AFG2A: variants seen among roughly 807,000 people sequenced by gnomAD.
AFG2A encodes the protein AAA ATPase AFG2A.
the AFG2A span, among the ~76,000 whole-genome samples, chr4:123,311,269 C>T: frequency 6.6e-6 from 1 of 152,120 alleles, no homozygotes; most frequent in African/African-American, 2.4e-5. Context: ...TAACTGATCA[C>T]TAAAGCCGCT....
At chr4:123,307,077 C>T in the AFG2A span, among the ~76,000 whole-genome samples, 1 of 152,216 alleles carries the variant, frequency 6.6e-6, no homozygotes, top group East Asian at 1.9e-4. Context: ...CTTGTCTATT[C>T]ACCTATACAT....
the AFG2A span, among the ~76,000 whole-genome samples, chr4:123,312,779 A>G: frequency 6.6e-6 from 1 of 152,204 alleles, no homozygotes; most frequent in Non-Finnish European, 1.5e-5. Context: ...ACATTGTCGT[A>G]ATTTGACAAA....
At chr4:123,274,205 G>T in the AFG2A span, among the ~76,000 whole-genome samples, 1 of 151,918 alleles carries the variant, frequency 6.6e-6, no homozygotes, top group African/African-American at 2.4e-5. Context: ...ATACATAATG[G>T]CTTTGTAGTT....
the AFG2A span, among the ~76,000 whole-genome samples, chr4:122,975,510 T>G: frequency 0.054 from 8,173 of 152,182 alleles, 520 homozygotes; most frequent in African/African-American, 0.16. Context: ...TGTGAGTGGC[T>G]GCAGAAGAGT....
At chr4:123,108,379 G>A in the AFG2A span, among the ~76,000 whole-genome samples, 3 of 151,610 alleles carry the variant, frequency 2.0e-5, no homozygotes, top group African/African-American at 4.8e-5. Flanking sequence ...TTATGAAAAT[G>A]TACTTAAAAA....
chr4:123,009,624 T>G, the AFG2A span, among the ~76,000 whole-genome samples: 31 of 152,314 alleles, frequency 2.0e-4, no homozygotes, highest in African/African-American at 7.5e-4. Flanking sequence ...CTCTGGGCTG[T>G]GACAATTTCT....
chr4:123,312,788 A>G, the AFG2A span, among the ~76,000 whole-genome samples: 2 of 152,228 alleles, frequency 1.3e-5, no homozygotes, highest in Non-Finnish European at 2.9e-5. Context: ...TAATTTGACA[A>G]AGCCATCTAA....
chr4:122,947,395 C>T, the AFG2A span: 19 of 1,614,056 alleles, frequency 1.2e-5, no homozygotes, highest in African/African-American at 1.3e-4. Flanking sequence ...TCGAAGGGTA[C>T]CCCATTTGCT....
the AFG2A span, among the ~76,000 whole-genome samples, chr4:123,009,784 T>G: frequency 6.6e-6 from 1 of 152,184 alleles, no homozygotes; most frequent in Non-Finnish European, 1.5e-5. Context: ...AGTTCCAATT[T>G]TCATCACAGT....
chr4:123,172,992 A>G, the AFG2A span, among the ~76,000 whole-genome samples: 1 of 152,192 alleles, frequency 6.6e-6, no homozygotes, highest in Non-Finnish European at 1.5e-5. Flanking sequence ...GAAAGTAAAT[A>G]TGTAAAAATG....
chr4:122,979,545 G>A, the AFG2A span, among the ~76,000 whole-genome samples: 6 of 152,176 alleles, frequency 3.9e-5, no homozygotes, highest in Non-Finnish European at 8.8e-5. Context: ...GCAGTTATAC[G>A]AAGTAATGTA....
the AFG2A span, among the ~76,000 whole-genome samples, chr4:123,013,074 G>A: frequency 6.6e-6 from 1 of 152,088 alleles, no homozygotes; most frequent in Non-Finnish European, 1.5e-5. Context: ...ATAGGGGTGG[G>A]GCCGTTTTAT....
the AFG2A span, among the ~76,000 whole-genome samples, chr4:122,972,397 C>T: frequency 1.3e-5 from 2 of 151,978 alleles, no homozygotes; most frequent in African/African-American, 2.4e-5. Flanking sequence ...CTCTCATTTT[C>T]AGACAACCAA....
chr4:123,134,268 A>T, the AFG2A span, among the ~76,000 whole-genome samples: 2 of 151,996 alleles, frequency 1.3e-5, no homozygotes, highest in Admixed American at 1.3e-4. Context: ...ATTTATTTTG[A>T]CTTGATTCAT....
At chr4:123,277,686 G>A in the AFG2A span, among the ~76,000 whole-genome samples, 19 of 152,086 alleles carry the variant, frequency 1.2e-4, no homozygotes, top group Admixed American at 2.0e-4. Context: ...TTTAAATGAA[G>A]CATTGTTGAA....
At chr4:123,246,066 G>T in the AFG2A span, among the ~76,000 whole-genome samples, 1 of 152,190 alleles carries the variant, frequency 6.6e-6, no homozygotes, top group Non-Finnish European at 1.5e-5. Flanking sequence ...GAAAAGTCAA[G>T]TCATGGAACA....
chr4:123,118,325 A>ATATAATTATATATAATATATATAT, the AFG2A span, among the ~76,000 whole-genome samples: 7 of 94,684 alleles, frequency 7.4e-5, no homozygotes, highest in African/African-American at 2.1e-4. Flanking sequence ...TATATATTAT[A>ATATAATTATATATAATATATATAT]TATAATATAT....
chr4:122,946,979 T>G, the AFG2A span, among the ~76,000 whole-genome samples: 1 of 151,930 alleles, frequency 6.6e-6, no homozygotes, highest in African/African-American at 2.4e-5. Flanking sequence ...GATGGAGAGG[T>G]GAGTATTGTA....
At chr4:123,198,990 C>G in the AFG2A span, among the ~76,000 whole-genome samples, 918 of 152,230 alleles carry the variant, frequency 6.0e-3, 11 homozygotes, top group African/African-American at 0.02. Flanking sequence ...CACAATAGTA[C>G]TGGTGATGCT....
Sources: allele counts gnomAD v4.1 joint callset (sites outside exome capture counted in the v4.1 genomes callset), GRCh38; gene constraint gnomAD v4.1.1; transcripts MANE v1.5; gene names NCBI Gene and HGNC (gene_info 2026-07-23, HGNC 2026-07-21).